The following SCHIP1 variants were observed in gnomAD, a reference collection of about 807,000 sequenced individuals.
SCHIP1 encodes schwannomin-interacting protein 1.
In SCHIP1, 8 loss-of-function variants were observed where a neutral mutation model predicts 29.7. That is an observed-to-expected ratio of 0.27 (90% CI 0.16 to 0.49). SCHIP1 has a LOEUF of 0.49. SCHIP1 is among the 20% of genes least tolerant of loss of function. SCHIP1 has a pLI of 0.99. For missense variants in SCHIP1, 193 were observed against 294.6 expected (o/e 0.66, Z 2.52); for synonymous variants, 76 against 94.9 (o/e 0.80, Z 1.16).
the SCHIP1 span, among the ~76,000 whole-genome samples, chr3:159,280,821 G>A: frequency 1.3e-5 from 2 of 152,142 alleles, no homozygotes; most frequent in Non-Finnish European, 2.9e-5. Context: ...AAGCACTTGC[G>A]AAGGATGAAC....
chr3:159,543,438 A>G, the SCHIP1 span, among the ~76,000 whole-genome samples: 2 of 136,750 alleles, frequency 1.5e-5, no homozygotes, highest in South Asian at 2.4e-4. Context: ...TCATTGTTCA[A>G]TTCCCACCTA....
chr3:159,838,638 C>T (rs184293765), upstream of SCHIP1, among the ~76,000 whole-genome samples: 3 of 152,198 alleles, frequency 2.0e-5, no homozygotes, highest in Non-Finnish European at 4.4e-5. Context: ...CGCCTATAAT[C>T]CCAGCACTTT....
chr3:159,366,998 C>A, the SCHIP1 span, among the ~76,000 whole-genome samples: 2 of 152,304 alleles, frequency 1.3e-5, no homozygotes, highest in Middle Eastern at 3.4e-3. Flanking sequence ...GATCTAGCAA[C>A]AATATCTGAA....
chr3:159,892,320 T>A, intron 6 of SCHIP1, 130 bp downstream of exon 7: 1 of 1,051,946 alleles, frequency 9.5e-7, no homozygotes, highest in Non-Finnish European at 1.4e-6. Flanking sequence ...CCTTTTCTGG[T>A]GCCAGCTGTT....
the SCHIP1 span, among the ~76,000 whole-genome samples, chr3:159,652,562 G>A: frequency 3.3e-5 from 5 of 151,598 alleles, no homozygotes; most frequent in African/African-American, 9.7e-5. Flanking sequence ...ACAAGGAAGC[G>A]GATATGTAAA....
the SCHIP1 span, among the ~76,000 whole-genome samples, chr3:159,487,364 G>A: frequency 6.6e-6 from 1 of 151,992 alleles, no homozygotes; most frequent in African/African-American, 2.4e-5. Flanking sequence ...TTTACGGCTG[G>A]AGGTTTGTCT....
At chr3:159,421,290 G>A in the SCHIP1 span, among the ~76,000 whole-genome samples, 1 of 152,174 alleles carries the variant, frequency 6.6e-6, no homozygotes, top group South Asian at 2.1e-4. Context: ...AGTCTGCTCT[G>A]TGTATTGCTG....
chr3:159,324,626 G>A, the SCHIP1 span, among the ~76,000 whole-genome samples: 1 of 152,058 alleles, frequency 6.6e-6, no homozygotes, highest in African/African-American at 2.4e-5. Flanking sequence ...ATTCAATTTG[G>A]AATCAGGCCT....
chr3:159,407,352 T>C, the SCHIP1 span, among the ~76,000 whole-genome samples: 4 of 152,190 alleles, frequency 2.6e-5, no homozygotes, highest in Non-Finnish European at 4.4e-5. Context: ...ATTTTAAATA[T>C]ATATGCAATC....
chr3:159,626,141 T>TAGATCG, the SCHIP1 span, among the ~76,000 whole-genome samples: 3 of 95,618 alleles, frequency 3.1e-5, no homozygotes, highest in African/African-American at 2.8e-4. Context: ...TAGATAGATA[T>TAGATCG]ATCTAGATAT....
chr3:159,885,852 G>A (rs553086591), intron 2 of SCHIP1, among the ~76,000 whole-genome samples: 74 of 152,350 alleles, frequency 4.9e-4, no homozygotes, highest in South Asian at 1.4e-3. Context: ...ATGACACCAC[G>A]CAGCCTTATT....
At chr3:159,750,860 T>C in the SCHIP1 span, among the ~76,000 whole-genome samples, 107 of 151,446 alleles carry the variant, frequency 7.1e-4, no homozygotes, top group Admixed American at 1.6e-3. Flanking sequence ...AAACCTAAGA[T>C]TTTAGAAGAA....
At chr3:159,349,458 T>C in the SCHIP1 span, among the ~76,000 whole-genome samples, 4 of 152,188 alleles carry the variant, frequency 2.6e-5, no homozygotes, top group Non-Finnish European at 5.9e-5. Flanking sequence ...TTTTAATCCA[T>C]TTACACATCT....
At chr3:159,540,828 T>G in the SCHIP1 span, among the ~76,000 whole-genome samples, 1 of 152,116 alleles carries the variant, frequency 6.6e-6, no homozygotes. Context: ...ATGCAACAGC[T>G]TTAAGTTAAC....
At chr3:159,644,980 C>T in the SCHIP1 span, among the ~76,000 whole-genome samples, 1 of 152,100 alleles carries the variant, frequency 6.6e-6, no homozygotes, top group African/African-American at 2.4e-5. Flanking sequence ...CTTGATACCC[C>T]TCTAACTGAT....
At chr3:159,307,374 TG>T in the SCHIP1 span, among the ~76,000 whole-genome samples, 1 of 152,146 alleles carries the variant, frequency 6.6e-6, no homozygotes, top group Non-Finnish European at 1.5e-5. Context: ...AGAGTCATTG[TG>T]GGGACTAAAT....
chr3:159,476,550 A>G, the SCHIP1 span, among the ~76,000 whole-genome samples: 1 of 152,214 alleles, frequency 6.6e-6, no homozygotes, highest in Non-Finnish European at 1.5e-5. Flanking sequence ...TTAAGCTATC[A>G]GTGTGCACTA....
At chr3:159,309,398 G>GGACTGAC in the SCHIP1 span, 1 of 152,116 alleles carries the variant, frequency 6.6e-6, no homozygotes. Flanking sequence ...GTCCTGTGAG[G>GGACTGAC]GACTGACGCT....
At chr3:159,866,060 T>C (rs1577458049) in intron 1 of SCHIP1, 103 bp from the exon 3 acceptor site, 3 of 968,718 alleles carry the variant, frequency 3.1e-6, no homozygotes, top group East Asian at 4.9e-5. Flanking sequence ...TTATTTGTTT[T>C]TCATCTAATG....
Sources: allele counts gnomAD v4.1 joint callset (sites outside exome capture counted in the v4.1 genomes callset), GRCh38; gene constraint gnomAD v4.1.1; transcripts MANE v1.5; gene names NCBI Gene and HGNC (gene_info 2026-07-23, HGNC 2026-07-21).